Variants in CTNNA2 observed in about 807,000 individuals in gnomAD.
CTNNA2 encodes catenin alpha 2, also known as catenin alpha-2.
A neutral mutation model predicts 101.0 loss-of-function variants in CTNNA2; 42 were observed. The observed-to-expected ratio is 0.42, with a 90% CI of 0.32 to 0.54. The LOEUF is 0.54. Ranked by LOEUF, CTNNA2 falls within the 20% of genes least tolerant of loss-of-function variation. CTNNA2 has a pLI of 0.14. For missense variants in CTNNA2, 871 were observed against 1,223.1 expected (o/e 0.71, Z 4.29); for synonymous variants, 450 against 456.4 (o/e 0.99, Z 0.18).
At chr2:79,659,703 A>G (rs1681880054) in intron 2 of CTNNA2, among the ~76,000 whole-genome samples, 1 of 152,200 alleles carries the variant, frequency 6.6e-6, no homozygotes, top group African/African-American at 2.4e-5. Context: ...GTGTCTTTAA[A>G]GAAAGTTTTG....
intron 18 of CTNNA2, among the ~76,000 whole-genome samples, chr2:80,633,845 G>T (rs1672556430): frequency 6.6e-6 from 1 of 152,096 alleles, no homozygotes; most frequent in South Asian, 2.1e-4. Flanking sequence ...TTAAATTGTG[G>T]CTGTCTTTTG....
chr2:80,641,065 A>T (rs1673420183), intron 18 of CTNNA2, among the ~76,000 whole-genome samples: 1 of 152,232 alleles, frequency 6.6e-6, no homozygotes, highest in South Asian at 2.1e-4. Context: ...GAAATATTTT[A>T]GCATTATCAA....
chr2:80,206,587 TG>T (rs1451693983), intron 7 of CTNNA2, among the ~76,000 whole-genome samples: 1 of 152,170 alleles, frequency 6.6e-6, no homozygotes, highest in Non-Finnish European at 1.5e-5. Flanking sequence ...CTACATATAG[TG>T]CGGGCAGGGA....
rs147689235 is a variant in CTNNA2, at chr2:80,197,865, C to T, written c.1057-195346C>T. Among the ~76,000 whole-genome samples, 137 of 152,238 alleles carry T rather than the reference C, an allele frequency of 9.0e-4. 1 individual carries two copies. In the South Asian group the frequency reaches 0.011, roughly 12 times the overall value. ...TTTGGTTAGGCAGAGCCCAAGCATT[C>T]CCTACTTGAGTGGTAGCTACTACCT... On this transcript the variant is annotated intron_variant, in intron 7 of 18. Coordinates refer to ENST00000402739, the MANE Select transcript of CTNNA2 (RefSeq NM_001282597.3).
At chr2:79,778,349 A>C (rs1053980047) in intron 3 of CTNNA2, among the ~76,000 whole-genome samples, 1 of 152,110 alleles carries the variant, frequency 6.6e-6, no homozygotes, top group Non-Finnish European at 1.5e-5. Flanking sequence ...CATCAAAAAA[A>C]AAAATAAAAA....
intron 7 of CTNNA2, among the ~76,000 whole-genome samples, chr2:80,305,838 C>T (rs1194733116): frequency 1.3e-5 from 2 of 152,126 alleles, no homozygotes; most frequent in African/African-American, 4.8e-5. Flanking sequence ...GCAAGCCTTC[C>T]TTCTTGACAA....
chr2:79,816,259 C>T (rs1330801641), intron 3 of CTNNA2, among the ~76,000 whole-genome samples: 2 of 152,012 alleles, frequency 1.3e-5, no homozygotes, highest in Non-Finnish European at 2.9e-5. Context: ...TTTCTCTTGT[C>T]TGGTTGCTCT....
intron 7 of CTNNA2, among the ~76,000 whole-genome samples, chr2:80,157,066 C>T (rs1173000433): frequency 1.3e-5 from 2 of 152,150 alleles, no homozygotes; most frequent in Non-Finnish European, 2.9e-5. Context: ...AGTTCACTGG[C>T]TAAGATATAC....
chr2:80,549,339 T>A (rs1176154031), intron 11 of CTNNA2, among the ~76,000 whole-genome samples: 2 of 151,832 alleles, frequency 1.3e-5, no homozygotes, highest in Non-Finnish European at 2.9e-5. Flanking sequence ...CTTTTCCTAT[T>A]TTTTTTTAAC....
chr2:79,528,407 A>G (rs890036396), intron 1 of CTNNA2, among the ~76,000 whole-genome samples: 5 of 151,796 alleles, frequency 3.3e-5, no homozygotes, highest in African/African-American at 1.2e-4. Context: ...TTTTGTAGAG[A>G]AAGGTCTTGC....
intron 7 of CTNNA2, among the ~76,000 whole-genome samples, chr2:80,378,359 A>AAAAT (rs70940081): frequency 0.011 from 1,403 of 126,910 alleles, 11 homozygotes; most frequent in Middle Eastern, 0.013. Flanking sequence ...TCTGTCTCAA[A>AAAAT]AAATAAATAA....
chr2:79,512,563 A>T, upstream of CTNNA2, among the ~76,000 whole-genome samples: 1 of 139,328 alleles, frequency 7.2e-6, no homozygotes, highest in African/African-American at 2.7e-5. Flanking sequence ...CGACACCCCT[A>T]TCCCCCCCGC....
chr2:80,585,243 G>A (rs1695879159), intron 14 of CTNNA2, among the ~76,000 whole-genome samples: 1 of 152,132 alleles, frequency 6.6e-6, no homozygotes, highest in Non-Finnish European at 1.5e-5. Flanking sequence ...TGGATTCAGT[G>A]CTATCTGAAT....
intron 3 of CTNNA2, among the ~76,000 whole-genome samples, chr2:79,747,494 G>C (rs901937674): frequency 6.6e-6 from 1 of 152,152 alleles, no homozygotes; most frequent in Non-Finnish European, 1.5e-5. Context: ...AGAGTGGTTT[G>C]ATTGGCCCCG....
At chr2:79,481,809 A>C (rs1457984741) in intron 4 of CTNNA2, among the ~76,000 whole-genome samples, 3 of 152,218 alleles carry the variant, frequency 2.0e-5, no homozygotes, top group African/African-American at 7.2e-5. Flanking sequence ...CTTTAAAAGA[A>C]GAAGACAGAC....
intron 6 of CTNNA2, among the ~76,000 whole-genome samples, chr2:79,885,834 A>G (rs571711609): frequency 5.6e-4 from 85 of 152,322 alleles, no homozygotes; most frequent in African/African-American, 2.0e-3. Context: ...AGAACACTGG[A>G]AAGAGTCCAG....
intron 4 of CTNNA2, among the ~76,000 whole-genome samples, chr2:79,475,696 T>G (rs576210634): frequency 1.4e-4 from 22 of 152,144 alleles, no homozygotes; most frequent in African/African-American, 5.1e-4. Flanking sequence ...TTTTGCTTTA[T>G]GTAGCCTTCT....
chr2:80,492,427 G>A (rs1000310743), intron 9 of CTNNA2, among the ~76,000 whole-genome samples: 2 of 152,138 alleles, frequency 1.3e-5, no homozygotes, highest in African/African-American at 4.8e-5. Flanking sequence ...ATACAGATGG[G>A]ACAGTCCATA....
intron 1 of CTNNA2, among the ~76,000 whole-genome samples, chr2:79,644,166 T>C (rs1396893143): frequency 6.6e-6 from 1 of 152,054 alleles, no homozygotes; most frequent in Non-Finnish European, 1.5e-5. Context: ...GCCTCCCGAG[T>C]AGCTGGGATC....
Sources: gnomAD v4.1 joint callset for allele counts (sites outside exome capture counted in the v4.1 genomes callset) on GRCh38, gnomAD v4.1.1 for gene constraint, MANE v1.5 for transcripts, NCBI Gene and HGNC (gene_info 2026-07-23, HGNC 2026-07-21) for gene names.